GFRA1: variants seen among roughly 807,000 people sequenced by gnomAD.
GFRA1 encodes the protein GDNF family receptor alpha-1.
In GFRA1, 16 loss-of-function variants were observed where a neutral mutation model predicts 51.6. That is an observed-to-expected ratio of 0.31 (90% CI 0.21 to 0.47). The LOEUF (loss-of-function observed/expected upper bound fraction) is 0.47. Ranked by LOEUF, GFRA1 falls within the 20% of genes least tolerant of loss-of-function variation. The pLI is 1.00. For synonymous variants in GFRA1, 270 were observed against 241.3 expected, an observed-to-expected ratio of 1.12 and a Z score of -1.10; for missense variants, 530 against 594.3, an observed-to-expected ratio of 0.89 and a Z score of 1.13.
At chr10:116,096,174 A>G (rs1472985922) in intron 7 of GFRA1, among the ~76,000 whole-genome samples, 2 of 152,196 alleles carry the variant, frequency 1.3e-5, no homozygotes, top group Non-Finnish European at 2.9e-5. Flanking sequence ...TACCAAGAAC[A>G]TTAACAGCAA....
chr10:116,163,737 G>A (rs1228137024), intron 5 of GFRA1, among the ~76,000 whole-genome samples: 1 of 152,078 alleles, frequency 6.6e-6, no homozygotes, highest in Non-Finnish European at 1.5e-5. Context: ...GTAAGTTTGT[G>A]AGCCACGGAG....
chr10:116,107,159 G>A (rs1206913604), intron 6 of GFRA1, among the ~76,000 whole-genome samples: 3 of 152,166 alleles, frequency 2.0e-5, no homozygotes, highest in Non-Finnish European at 4.4e-5. Flanking sequence ...TACTCAGGCT[G>A]AATGATAATA....
chr10:116,073,487 C>T (rs1955491265), intron 9 of GFRA1, among the ~76,000 whole-genome samples: 2 of 152,080 alleles, frequency 1.3e-5, no homozygotes, highest in African/African-American at 4.8e-5. Flanking sequence ...AAATTATGCA[C>T]AATTAACAAT....
intron 6 of GFRA1, among the ~76,000 whole-genome samples, chr10:116,109,476 A>G (rs542373038): frequency 1.1e-3 from 164 of 152,312 alleles, no homozygotes; most frequent in African/African-American, 3.9e-3. Context: ...ATCTGTTGTT[A>G]CTGTTCAGTA....
intron 5 of GFRA1, among the ~76,000 whole-genome samples, chr10:116,179,057 C>CACAGCAG (rs1322903956): frequency 6.6e-6 from 1 of 152,166 alleles, no homozygotes; most frequent in Admixed American, 6.5e-5. Context: ...GAGGAAGTTA[C>CACAGCAG]ACAGCAGAAG....
At chr10:116,116,151 A>G (rs1957403505) in intron 6 of GFRA1, among the ~76,000 whole-genome samples, 1 of 151,982 alleles carries the variant, frequency 6.6e-6, no homozygotes, top group Admixed American at 6.6e-5. Flanking sequence ...CTGGAGGGCA[A>G]TGGTGCGATC....
At chr10:116,221,506 C>A (rs978055372) in intron 4 of GFRA1, among the ~76,000 whole-genome samples, 2 of 152,066 alleles carry the variant, frequency 1.3e-5, no homozygotes, top group Non-Finnish European at 2.9e-5. Context: ...CTCACTGCAA[C>A]CTCTCTCTCC....
intron 6 of GFRA1, among the ~76,000 whole-genome samples, chr10:116,109,253 C>G (rs1253938846): frequency 6.6e-6 from 1 of 152,090 alleles, no homozygotes; most frequent in Non-Finnish European, 1.5e-5. Flanking sequence ...TCATACGCAC[C>G]CGCACAGCAC....
chr10:116,085,271 A>G (rs1418860877), intron 9 of GFRA1, among the ~76,000 whole-genome samples: 1 of 152,188 alleles, frequency 6.6e-6, no homozygotes, highest in African/African-American at 2.4e-5. Context: ...CTTCCCTTCC[A>G]AGGGGGAAAT....
At chr10:116,174,391 T>C (rs983513876) in intron 5 of GFRA1, among the ~76,000 whole-genome samples, 2 of 152,254 alleles carry the variant, frequency 1.3e-5, no homozygotes, top group African/African-American at 4.8e-5. Context: ...TTCTCTTTAA[T>C]AACCTATAAA....
intron 6 of GFRA1, among the ~76,000 whole-genome samples, chr10:116,109,152 G>A (rs1305187266): frequency 2.0e-5 from 3 of 152,260 alleles, no homozygotes; most frequent in Middle Eastern, 3.4e-3. Context: ...TTGAGGACAC[G>A]AGGTCCCAGA....
chr10:116,194,666 C>T (rs1353163098), intron 5 of GFRA1, among the ~76,000 whole-genome samples: 1 of 151,986 alleles, frequency 6.6e-6, no homozygotes, highest in Non-Finnish European at 1.5e-5. Context: ...ATGATTCAAC[C>T]CTTGGCCTAC....
intron 5 of GFRA1, among the ~76,000 whole-genome samples, chr10:116,165,686 C>CACAG (rs2134198556): frequency 6.6e-6 from 1 of 151,768 alleles, no homozygotes; most frequent in South Asian, 2.1e-4. Flanking sequence ...CACACACACA[C>CACAG]ACTCACAAGA....
At chr10:116,264,771 A>T (rs1969536072) in intron 4 of GFRA1, among the ~76,000 whole-genome samples, 2 of 152,210 alleles carry the variant, frequency 1.3e-5, no homozygotes. Flanking sequence ...TTCAAAATGG[A>T]GAGCAGGGCC....
chr10:116,236,105 A>C (rs940017992), intron 4 of GFRA1, among the ~76,000 whole-genome samples: 1 of 152,110 alleles, frequency 6.6e-6, no homozygotes, highest in Non-Finnish European at 1.5e-5. Flanking sequence ...GTTCTGACTA[A>C]AATTCACCCT....
rs530689010 is a variant in GFRA1 at position 116,126,895 on chromosome 10, G to A, written c.434-1338C>T. The stretch of plus-strand genomic sequence containing the variant: ...TTTGCTGCACGTCTAAAGGGCACAC[G>A]GTATATTATTCAGCCTTAGAAAAAG... On this transcript the variant is annotated intron_variant, in intron 5 of 10. Coordinates refer to ENST00000355422, the MANE Select transcript of GFRA1 (RefSeq NM_005264.8). Among the ~76,000 whole-genome samples, 5 of 152,238 alleles carry A rather than the reference G, an allele frequency of 3.3e-5. No homozygotes were observed. The East Asian group carries it at 7.7e-4, about 24-fold the overall frequency.
At chr10:116,170,281 A>G (rs925162465) in intron 5 of GFRA1, among the ~76,000 whole-genome samples, 29 of 152,338 alleles carry the variant, frequency 1.9e-4, no homozygotes, top group Admixed American at 1.9e-3. Context: ...TGTTTTAAGC[A>G]TCTACTAGGT....
At chr10:116,145,184 T>TACA (rs1373596030) in intron 5 of GFRA1, among the ~76,000 whole-genome samples, 2 of 124,460 alleles carry the variant, frequency 1.6e-5, no homozygotes, top group East Asian at 2.5e-4. Context: ...ATTAAAAACT[T>TACA]ACAACAACAA....
chr10:116,206,787 G>C (rs563076771), intron 5 of GFRA1, among the ~76,000 whole-genome samples: 2 of 86,466 alleles, frequency 2.3e-5, no homozygotes, highest in African/African-American at 1.0e-4. Context: ...CGCCTGCCAC[G>C]ACGCCTGGCT....
Sources: gnomAD v4.1 joint callset for allele counts (sites outside exome capture counted in the v4.1 genomes callset) on GRCh38, gnomAD v4.1.1 for gene constraint, MANE v1.5 for transcripts, NCBI Gene and HGNC (gene_info 2026-07-23, HGNC 2026-07-21) for gene names.